The following ARHGAP22 variants were observed in gnomAD, a reference collection of about 807,000 sequenced individuals.
ARHGAP22 encodes the protein Rho GTPase activating protein 22.
In ARHGAP22, 48 loss-of-function variants were observed where a neutral mutation model predicts 59.1. The ratio of observed to expected loss-of-function variants is 0.81; its 90% confidence interval spans 0.64 to 1.03. ARHGAP22 has a LOEUF of 1.03. Among genes scored for constraint, ARHGAP22 ranks in the 50% least tolerant of loss-of-function variants. ARHGAP22 has a pLI of 0.00. For missense variants in ARHGAP22, 1,015 were observed against 958.7 expected (o/e 1.06, Z -0.78); for synonymous variants, 445 against 416.4 (o/e 1.07, Z -0.84).
In ARHGAP22 at chr10:48,586,348, C is replaced by G. The variant is rs139467411; in HGVS notation, c.35-3196G>C. Among the ~76,000 whole-genome samples, 423 of 152,310 alleles carry G rather than the reference C, an allele frequency of 2.8e-3. 2 individuals are homozygous for G. The highest frequency in any genetic ancestry group is 0.017 in the Middle Eastern group (5 of 294). ...GCCCATATGAGATAACAACACCTCACCCAGCAGGGCAAGCTGGCAGAGGGG... is the reference window on the plus strand; with the variant it reads ...GCCCATATGAGATAACAACACCTCAGCCAGCAGGGCAAGCTGGCAGAGGGG... On this transcript the variant is annotated intron_variant, in intron 1 of 9. Coordinates refer to ENST00000249601, the MANE Select transcript of ARHGAP22 (RefSeq NM_021226.4).
downstream of ARHGAP22, chr10:48,445,136 C>T: frequency 6.6e-6 from 1 of 152,488 alleles, no homozygotes; most frequent in Non-Finnish European, 1.5e-5. Flanking sequence ...TGGCAGGAAG[C>T]CAGCATTTCC....
chr10:48,628,051 T>C (rs2061509020), intron 1 of ARHGAP22, among the ~76,000 whole-genome samples: 1 of 152,216 alleles, frequency 6.6e-6, no homozygotes, highest in Admixed American at 6.5e-5. Context: ...ACAGCTGGCA[T>C]CACAGGGACA....
At chr10:48,573,756 G>T (rs1787185149) in intron 2 of ARHGAP22, among the ~76,000 whole-genome samples, 1 of 152,222 alleles carries the variant, frequency 6.6e-6, no homozygotes, top group Non-Finnish European at 1.5e-5. Context: ...TGAAGCCACA[G>T]CCTCAAAGGA....
chr10:48,587,229 G>A (rs2059483476), intron 1 of ARHGAP22, among the ~76,000 whole-genome samples: 1 of 152,220 alleles, frequency 6.6e-6, no homozygotes, highest in Admixed American at 6.5e-5. Context: ...GGTTGAGCAG[G>A]GCTGGATTCA....
At chr10:48,483,107 A>C (rs1482982898) in intron 3 of ARHGAP22, among the ~76,000 whole-genome samples, 1 of 152,152 alleles carries the variant, frequency 6.6e-6, no homozygotes, top group African/African-American at 2.4e-5. Flanking sequence ...ACACGATTTC[A>C]TTCCTTTTCT....
intron 4 of ARHGAP22, among the ~76,000 whole-genome samples, chr10:48,472,969 A>G (rs1176762152): frequency 2.6e-5 from 4 of 152,240 alleles, no homozygotes; most frequent in Admixed American, 6.5e-5. Context: ...GAATTACCAT[A>G]TGATCTAGCA....
chr10:48,604,469 T>A (rs1350370880), intron 1 of ARHGAP22, among the ~76,000 whole-genome samples: 1 of 152,170 alleles, frequency 6.6e-6, no homozygotes, highest in Non-Finnish European at 1.5e-5. Flanking sequence ...TGCCACCAGG[T>A]CACCTGGAGC....
chr10:48,540,024 C>G (rs188311414), intron 3 of ARHGAP22, among the ~76,000 whole-genome samples: 8 of 152,324 alleles, frequency 5.3e-5, no homozygotes, highest in African/African-American at 1.7e-4. Context: ...GTGACTCGCT[C>G]TGGACCTCAG....
chr10:48,580,524 C>T (rs2059043811), intron 2 of ARHGAP22, among the ~76,000 whole-genome samples: 1 of 152,168 alleles, frequency 6.6e-6, no homozygotes, highest in Admixed American at 6.5e-5. Flanking sequence ...GGAGGCAGTG[C>T]TGTGGGCTGG....
upstream of ARHGAP22, among the ~76,000 whole-genome samples, chr10:48,653,137 G>A (rs2062628415): frequency 6.6e-6 from 1 of 152,198 alleles, no homozygotes; most frequent in Non-Finnish European, 1.5e-5. Flanking sequence ...AGTGACTCCT[G>A]GGAGGGCATG....
At chr10:48,613,515 T>C (rs1434264390) in intron 1 of ARHGAP22, among the ~76,000 whole-genome samples, 3 of 152,192 alleles carry the variant, frequency 2.0e-5, no homozygotes, top group African/African-American at 7.2e-5. Context: ...CAGTAGTTCT[T>C]AGACCTAGGC....
intron 1 of ARHGAP22, among the ~76,000 whole-genome samples, chr10:48,634,497 G>C (rs998199873): frequency 6.6e-6 from 1 of 152,180 alleles, no homozygotes; most frequent in African/African-American, 2.4e-5. Context: ...AGGAAACTGG[G>C]TCTCTAAGAA....
At position 48,583,849 on chromosome 10, in the gene ARHGAP22, G is replaced by A. The variant is rs187490078; in HGVS notation, c.35-697C>T. Among the ~76,000 whole-genome samples, 861 of 152,312 alleles carry A rather than the reference G, an allele frequency of 5.7e-3. 6 individuals carry two copies. The highest frequency in any genetic ancestry group is 8.4e-3 in the Non-Finnish European group (568 of 68,022). Reference sequence around the variant, plus strand: ...GTTGGTGGCTTCCTGGCAGGGCAGAGGGGCCAGCACTCCTACCCCAGAGCC... The same window carrying A: ...GTTGGTGGCTTCCTGGCAGGGCAGAAGGGCCAGCACTCCTACCCCAGAGCC... On this transcript the variant is annotated intron_variant, in intron 1 of 9. Transcript: ENST00000249601.
the ARHGAP22 span, among the ~76,000 whole-genome samples, chr10:48,432,240 GA>G: frequency 6.6e-6 from 1 of 152,004 alleles, no homozygotes; most frequent in Non-Finnish European, 1.5e-5. Flanking sequence ...TACTTTTGAG[GA>G]AAAAAATAGA....
chr10:48,638,381 C>T (rs933795009), intron 1 of ARHGAP22, among the ~76,000 whole-genome samples: 3 of 151,778 alleles, frequency 2.0e-5, no homozygotes, highest in Admixed American at 6.6e-5. Context: ...CTTCAACTCG[C>T]GGGCCAGGAG....
rs142769766 is a variant in ARHGAP22 at position 48,499,035 on chromosome 10, C to T, written c.323-19271G>A. Among the ~76,000 whole-genome samples, 102 of 152,184 alleles carry T rather than the reference C, an allele frequency of 6.7e-4. No individual in the cohort carries two copies. In the East Asian group the frequency reaches 0.016, roughly 24 times the overall value. ...GAAGGGGCGTGTCCTGCCTGTTGGTCGCTTGGTGGTCATCTTGCAGCCACT... is the reference window on the plus strand; with the variant it reads ...GAAGGGGCGTGTCCTGCCTGTTGGTTGCTTGGTGGTCATCTTGCAGCCACT... On this transcript the variant is annotated intron_variant, in intron 3 of 9. Transcript: ENST00000249601.
At chr10:48,570,170 G>A (rs2058307051) in intron 2 of ARHGAP22, among the ~76,000 whole-genome samples, 1 of 144,096 alleles carries the variant, frequency 6.9e-6, no homozygotes, top group African/African-American at 2.7e-5. Context: ...CTTGAATAGA[G>A]TTTTCATTTT....
At chr10:48,559,071 G>A (rs140703350) in intron 2 of ARHGAP22, among the ~76,000 whole-genome samples, 1 of 152,346 alleles carries the variant, frequency 6.6e-6, no homozygotes, top group East Asian at 1.9e-4. Flanking sequence ...CTCAGACAGT[G>A]CCCTCAACTA....
chr10:48,531,316 C>A (rs2054825796), intron 3 of ARHGAP22, among the ~76,000 whole-genome samples: 1 of 152,174 alleles, frequency 6.6e-6, no homozygotes, highest in African/African-American at 2.4e-5. Flanking sequence ...ACATTGGGTA[C>A]AATTTGCACT....
Sources: allele counts gnomAD v4.1 joint callset (sites outside exome capture counted in the v4.1 genomes callset), GRCh38; gene constraint gnomAD v4.1.1; transcripts MANE v1.5; gene names NCBI Gene and HGNC (gene_info 2026-07-23, HGNC 2026-07-21).